RBL1: variants seen among roughly 807,000 people sequenced by gnomAD.
RBL1 encodes the protein RB transcriptional corepressor like 1, also known as retinoblastoma-like protein 1.
RBL1 carries 82 observed loss-of-function variants against 123.0 expected under a neutral mutation model. The ratio of observed to expected loss-of-function variants is 0.67; its 90% CI spans 0.56 to 0.80. The LOEUF (loss-of-function observed/expected upper bound fraction) is 0.80, where lower values mean the gene tolerates loss of function less well. RBL1 is among the 30% of genes least tolerant of loss of function. RBL1 has a pLI of 0.00. For missense variants in RBL1, 1,171 were observed against 1,299.6 expected (o/e 0.90, Z 1.52); for synonymous variants, 405 against 441.3 (o/e 0.92, Z 1.03).
intron 12 of RBL1, among the ~76,000 whole-genome samples, chr20:37,046,095 A>T (rs2064815385): frequency 6.6e-6 from 1 of 152,228 alleles, no homozygotes; most frequent in African/African-American, 2.4e-5. Context: ...CAAGAAAAAT[A>T]AAGGTAAGGT....
At chr20:37,059,486 T>TG (rs1399305931) in intron 9 of RBL1, among the ~76,000 whole-genome samples, 1 of 152,230 alleles carries the variant, frequency 6.6e-6, no homozygotes, top group Admixed American at 6.5e-5. Context: ...GCAGTTGTTC[T>TG]GCTGGGATCC....
At chr20:37,042,739 C>A (rs948526999) in intron 13 of RBL1, among the ~76,000 whole-genome samples, 8 of 151,760 alleles carry the variant, frequency 5.3e-5, no homozygotes, top group Admixed American at 1.3e-4. Context: ...CCCATCTCTA[C>A]AAAAACTACA....
intron 12 of RBL1, 120 bp from the exon 13 acceptor site, chr20:37,044,370 C>G: frequency 1.0e-6 from 1 of 979,148 alleles, no homozygotes; most frequent in South Asian, 1.8e-5. Flanking sequence ...CGGAGTTTCC[C>G]TCTGTTGCCC....
At chr20:37,094,220 G>C (rs982234540) in intron 1 of RBL1, among the ~76,000 whole-genome samples, 3 of 152,188 alleles carry the variant, frequency 2.0e-5, no homozygotes, top group Admixed American at 1.3e-4. Flanking sequence ...GTGACCTTGG[G>C]CAAGAGAGAC....
chr20:37,064,757 G>A (rs753356371), intron 7 of RBL1, among the ~76,000 whole-genome samples: 23 of 151,906 alleles, frequency 1.5e-4, no homozygotes, highest in Non-Finnish European at 3.1e-4. Flanking sequence ...TTACAGGTGT[G>A]CACCACCACA....
intron 1 of RBL1, among the ~76,000 whole-genome samples, chr20:37,091,409 T>A (rs2065644527): frequency 6.7e-6 from 1 of 150,268 alleles, no homozygotes; most frequent in South Asian, 2.1e-4. Context: ...TGGCTCATGC[T>A]CGTAACCCCA....
At position 37,043,162 on chromosome 20, in the gene RBL1, GCA is replaced by G. The variant is rs147834827; in HGVS notation, c.1770+922_1770+923del. Among the ~76,000 whole-genome samples the G allele has an allele frequency of 9.9e-3, 1,466 of 147,760 alleles. 29 individuals are homozygous for G. The highest frequency in any genetic ancestry group is 0.032 in the African/African-American group (1,275 of 39,952). ...TGTCTCTACACACACATGCGCGCGT[GCA>G]CACACACACACACACACACACAATT... On this transcript the variant is annotated intron_variant, in intron 13 of 21. Transcript: ENST00000373664.
At chr20:37,050,270 G>A (rs542807623) in intron 11 of RBL1, among the ~76,000 whole-genome samples, 8 of 151,912 alleles carry the variant, frequency 5.3e-5, no homozygotes, top group Admixed American at 6.6e-5. Context: ...AAGGCCGGGC[G>A]CAGTGGCTCA....
Position 36,998,469 on chromosome 20 carries a change from C to G in RBL1, c.*290G>C, listed in dbSNP as rs914963191. The G allele has an allele frequency of 9.5e-5, 22 of 231,592 alleles. No individual in the cohort carries two copies. Among genetic ancestry groups the G allele is most frequent in the Non-Finnish European group, 1.9e-4 (22 of 118,422 alleles). The allele number at this position is 231,592 out of a possible 1,614,324, so 14.3% of individuals were successfully genotyped here. A position where few individuals can be genotyped will look rare whatever the true frequency, so the allele number is the denominator to read the frequency against. ...GAACTCCTGACCTCCGGTGATCTGC[C>G]CGCCTTGGCCTCCCAAAGTCCTGGG... On this transcript the variant is annotated 3_prime_UTR_variant, in exon 22 of 22. Coordinates refer to ENST00000373664, the MANE Select transcript of RBL1 (RefSeq NM_002895.5).
In RBL1 at chr20:37,056,148, A is replaced by G; in HGVS notation, c.1361T>C (p.Ile454Thr). 6.2e-7 allele frequency: 1 copy of G among 1,605,822 alleles called. No homozygotes were observed. The highest frequency in any genetic ancestry group is 8.5e-7 in the Non-Finnish European group (1 of 1,178,536). ...QSTDEQPGSH[I>T]DFAVNRLKLA... is the part of the protein sequence containing the mutation. ...CAACTGTAGTTTTCTTTTCTTACCT[A>G]TGTGAGATCCTGGCTGTTCATCTGT... The change falls in exon 10 of 22, where the codon ATA (isoleucine) becomes ACA (threonine). Residue 454 changes from isoleucine to threonine, a missense_variant and splice_region_variant. Transcript: ENST00000373664.
intron 14 of RBL1, 84 bp downstream of exon 14, chr20:37,040,069 T>C (rs1016889572): frequency 1.3e-5 from 20 of 1,562,722 alleles, no homozygotes; most frequent in Admixed American, 9.5e-5. Context: ...CTTAATAACA[T>C]ACTCACAAGA....
In RBL1 at chr20:37,002,870, G is replaced by A. The variant is rs965492387; in HGVS notation, c.3036+832C>T. ...GCAGAGTAGCTGAGATTATAGGTGC[G>A]CACCACCATGCCTGGCTAATTTTTT... On this transcript the variant is annotated intron_variant, in intron 21 of 21. Coordinates refer to ENST00000373664, the MANE Select transcript of RBL1 (RefSeq NM_002895.5). 4.0e-5 allele frequency among the ~76,000 whole-genome samples: 6 copies of A among 150,742 alleles called. No homozygotes were observed. In the East Asian group the frequency reaches 5.9e-4, roughly 15 times the overall value.
chr20:37,046,967 T>C, intron 12 of RBL1, 86 bp downstream of exon 12: 1 of 1,446,494 alleles, frequency 6.9e-7, no homozygotes. Flanking sequence ...ATCACAACAG[T>C]GTTTTTCTTC....
intron 11 of RBL1, 101 bp downstream of exon 11, chr20:37,055,452 T>G: frequency 6.4e-7 from 1 of 1,568,594 alleles, no homozygotes; most frequent in Non-Finnish European, 8.6e-7. Context: ...AAGTGTGTCA[T>G]AGATTGGTGA....
At position 37,064,723 on chromosome 20, in the gene RBL1, C is replaced by T. The variant is rs1373727636; in HGVS notation, c.896+701G>A. On this transcript the variant is annotated intron_variant, in intron 7 of 21. Coordinates refer to ENST00000373664, the MANE Select transcript of RBL1 (RefSeq NM_002895.5). ...CTCCTGGGTTCAAGTGATTCTCCTG[C>T]CTCAGTCTCCCAAGCAGCTGGGATT... is the stretch of plus-strand genomic sequence containing the variant. Among the ~76,000 whole-genome samples, 4 of 152,100 alleles carry T rather than the reference C, an allele frequency of 2.6e-5. No individual in the cohort carries two copies. The South Asian group carries it at 8.3e-4, about 32-fold the overall frequency.
chr20:37,018,102 G>A (rs549037171), intron 19 of RBL1, among the ~76,000 whole-genome samples, 177 bp downstream of exon 19: 29 of 152,260 alleles, frequency 1.9e-4, no homozygotes, highest in African/African-American at 4.8e-4. Context: ...ACAAATTAAT[G>A]GTTTCAATAA....
At chr20:37,085,181 G>C (rs908000150) in intron 2 of RBL1, among the ~76,000 whole-genome samples, 2 of 149,422 alleles carry the variant, frequency 1.3e-5, no homozygotes, top group East Asian at 2.0e-4. Context: ...ACCCACACTG[G>C]AATACAATGG....
rs144267293 is a variant in RBL1 at position 37,002,863 on chromosome 20, T to C, written c.3036+839A>G. ...CTCCACAGCAGAGTAGCTGAGATTA[T>C]AGGTGCGCACCACCATGCCTGGCTA... On this transcript the variant is annotated intron_variant, in intron 21 of 21. Transcript: ENST00000373664. Among the ~76,000 whole-genome samples the C allele has an allele frequency of 5.4e-3, 824 of 151,360 alleles. 8 individuals are homozygous for C. The highest frequency in any genetic ancestry group is 0.019 in the African/African-American group (781 of 41,230).
intron 14 of RBL1, among the ~76,000 whole-genome samples, chr20:37,039,403 A>G (rs921367747): frequency 6.6e-6 from 1 of 152,194 alleles, no homozygotes; most frequent in Non-Finnish European, 1.5e-5. Flanking sequence ...TGTAGTTCCC[A>G]TAATTCCCAC....
Sources: gnomAD v4.1 joint callset for allele counts (sites outside exome capture counted in the v4.1 genomes callset) on GRCh38, gnomAD v4.1.1 for gene constraint, MANE v1.5 for transcripts, NCBI Gene and HGNC (gene_info 2026-07-23, HGNC 2026-07-21) for gene names.